DPEP1: variants seen among roughly 807,000 people sequenced by gnomAD.
DPEP1 encodes the protein beta-lactamase.
DPEP1 carries 50 observed loss-of-function variants against 42.3 expected under a neutral mutation model. The ratio of observed to expected loss-of-function variants is 1.18; its 90% CI spans 0.94 to 1.50. The LOEUF (loss-of-function observed/expected upper bound fraction) is 1.50, where lower values mean the gene tolerates loss of function less well. Ranked by LOEUF, DPEP1 falls within the 40% of genes most tolerant of loss-of-function variation. The probability of loss-of-function intolerance (pLI) is 0.00; values close to 1 mark genes in which losing one functional copy is unlikely to be tolerated. For missense variants in DPEP1, 663 were observed against 553.0 expected, an observed-to-expected ratio of 1.20 and a Z score of -1.99; for synonymous variants, 297 against 234.0, an observed-to-expected ratio of 1.27 and a Z score of -2.46.
chr16:89,637,375 C>A lies in DPEP1; in HGVS notation c.763C>A (p.Leu255Met). 1.2e-6 allele frequency: 2 copies of A among 1,612,342 alleles called. No homozygotes were observed. Among genetic ancestry groups the A allele is most frequent in the Non-Finnish European group, 1.7e-6 (2 of 1,179,908 alleles). ...RRNVPDDVLR[L>M]VKQTDSLVMV... Reference sequence around the variant, plus strand: ...CAACGTGCCTGACGACGTCCTGAGGCTGGTGGTGAGGGCCGAGGGGGCGAC... The same window carrying A: ...CAACGTGCCTGACGACGTCCTGAGGATGGTGGTGAGGGCCGAGGGGGCGAC... The change falls in exon 7 of 11, where the codon CTG becomes ATG. Residue 255 changes from leucine (L) to methionine (M), a missense_variant. By Grantham distance (15) the Leu-to-Met change is conservative (BLOSUM62 2). Coordinates refer to ENST00000690203, the MANE Select transcript of DPEP1 (RefSeq NM_001389466.1).
intron 2 of DPEP1, among the ~76,000 whole-genome samples, chr16:89,634,309 G>C (rs560230157): frequency 3.4e-4 from 52 of 151,986 alleles, no homozygotes; most frequent in Admixed American, 9.8e-4. Flanking sequence ...GGATGATCTC[G>C]ATCTCCTGAC....
At chr16:89,632,635 C>T (rs2059604343) in intron 2 of DPEP1, among the ~76,000 whole-genome samples, 1 of 152,150 alleles carries the variant, frequency 6.6e-6, no homozygotes, top group South Asian at 2.1e-4. Context: ...GGCATTGCCC[C>T]AGCTGCACAG....
intron 1 of DPEP1, among the ~76,000 whole-genome samples, chr16:89,617,997 C>G (rs1211059067): frequency 6.6e-6 from 1 of 152,040 alleles, no homozygotes; most frequent in Non-Finnish European, 1.5e-5. Context: ...GCACTCCATC[C>G]TGGGCGACAG....
chr16:89,637,651 G>C lies in DPEP1; in HGVS notation c.873G>C (p.Lys291Asn), dbSNP rs1420747133. Residue 291 changes from lysine (K) to asparagine (N), a missense_variant, in exon 9 of 11, where the codon AAG becomes AAC. By Grantham distance (94) the Lys-to-Asn change is moderately conservative. Transcript: ENST00000690203. ...GGACAGACCATCTGGATCACATCAA[G>C]GAGGTGGCAGGAGCCAGAGCCGTGG... The part of the protein sequence containing the change: ...SQVADHLDHI[K>N]EVAGARAVGF... 1.9e-6 allele frequency: 3 copies of C among 1,613,036 alleles called. No homozygotes were observed. The Admixed American group carries it at 5.0e-5, about 27-fold the overall frequency.
rs993973255 is a variant in DPEP1 at position 89,636,612 on chromosome 16, G to A, written c.450G>A (p.Leu150=). 6.2e-7 allele frequency: 1 copy of A among 1,612,496 alleles called. No homozygotes were observed. The highest frequency in any genetic ancestry group is 1.3e-5 in the African/African-American group (1 of 74,936). The part of the protein sequence containing the change: ...VEGGHSIDSS[L]GVLRALYQLG... ...GCGGCCACTCCATTGACAGCAGTTT[G>A]GGCGTCCTGCGGGCACTCTATCAGC... Residue 150 remains leucine, a synonymous_variant, in exon 5 of 11, where the codon TTG becomes TTA. Transcript: ENST00000690203.
intron 2 of DPEP1, among the ~76,000 whole-genome samples, chr16:89,631,399 A>T (rs371395780): frequency 6.6e-6 from 1 of 152,202 alleles, no homozygotes; most frequent in East Asian, 1.9e-4. Context: ...TCCAGGCACC[A>T]GACTCAGATC....
rs1597774882 is a variant in DPEP1, at chr16:89,637,250, C to T, written c.638C>T (p.Ala213Val). Residue 213 changes from alanine to valine, a missense_variant, in exon 7 of 11, where the codon GCT becomes GTT. By Grantham distance (64) the Ala-to-Val change is moderately conservative (BLOSUM62 0). Coordinates refer to ENST00000690203, the MANE Select transcript of DPEP1 (RefSeq NM_001389466.1). The stretch of plus-strand genomic sequence containing the variant: ...CGTCTGGGGGTCCTCATCGACTTGG[C>T]TCACGTGTCTGTGGCCACCATGAAG... ...LNRLGVLIDL[A>V]HVSVATMKAT... The T allele has an allele frequency of 2.5e-6, 4 of 1,612,746 alleles. No homozygotes were observed. Among genetic ancestry groups the T allele is most frequent in the Non-Finnish European group, 3.4e-6 (4 of 1,179,958 alleles).
chr16:89,631,327 CT>C (rs2151492751), intron 2 of DPEP1, among the ~76,000 whole-genome samples: 1 of 152,302 alleles, frequency 6.6e-6, no homozygotes, highest in Admixed American at 6.5e-5. Flanking sequence ...GAATCCGACC[CT>C]CTTCCCCGCC....
intron 1 of DPEP1, among the ~76,000 whole-genome samples, chr16:89,617,345 C>G (rs2059388440): frequency 6.6e-6 from 1 of 152,156 alleles, no homozygotes; most frequent in South Asian, 2.1e-4. Context: ...GGGAAAAGCG[C>G]TCCTGCCTCA....
chr16:89,621,030 G>A lies in DPEP1; in HGVS notation c.-107+7311G>A, dbSNP rs77625363. Among the ~76,000 whole-genome samples, 1,238 of 152,118 alleles carry A rather than the reference G, an allele frequency of 8.1e-3. 18 individuals are homozygous for A. Among genetic ancestry groups the A allele is most frequent in the African/African-American group, 0.028 (1,174 of 41,472 alleles). ...GGGGGCCTCAGCTCGTGCCATCACGGGCAGTGAAGGGTGAGGCTCTCAGAG... is the reference window on the plus strand; with the variant it reads ...GGGGGCCTCAGCTCGTGCCATCACGAGCAGTGAAGGGTGAGGCTCTCAGAG... On this transcript the variant is annotated intron_variant, in intron 1 of 10. Transcript: ENST00000690203.
In DPEP1 at chr16:89,636,251, C is replaced by T. The variant is rs1346006525; in HGVS notation, c.238-13C>T. ...TGGCTGCATCAGCTCCTGGCACCCC[C>T]TGCGGCCCACAGTTCTGGTCCGTGT... On this transcript the variant is annotated splice_polypyrimidine_tract_variant and intron_variant, in intron 3 of 10. Transcript: ENST00000690203. 1.2e-6 allele frequency: 2 copies of T among 1,602,010 alleles called. No individual in the cohort carries two copies. Among genetic ancestry groups the T allele is most frequent in the South Asian group, 2.2e-5 (2 of 89,682 alleles).
rs967870639 is a variant in DPEP1 at position 89,637,960 on chromosome 16, G to C, written c.1054G>C (p.Ala352Pro). 1 of 1,608,486 alleles carries C rather than the reference G, an allele frequency of 6.2e-7. No individual in the cohort carries two copies. The highest frequency in any genetic ancestry group is 8.5e-7 in the Non-Finnish European group (1 of 1,178,112). The stretch of plus-strand genomic sequence containing the variant: ...TGACAACCTGCTGAGGGTCTTCGAG[G>C]CTGTGGAACAGGTGAGGATGGGGTG... ...LADNLLRVFEAVEQASNLTQA... is the reference protein window; with the variant it reads ...LADNLLRVFEPVEQASNLTQA... The change falls in exon 10 of 11, where the codon GCT (alanine) becomes CCT (proline). Residue 352 changes from alanine (A) to proline (P), a missense_variant. Physicochemically the swap from Ala to Pro is conservative, Grantham distance 27 (BLOSUM62 -1). Coordinates refer to ENST00000690203, the MANE Select transcript of DPEP1 (RefSeq NM_001389466.1).
chr16:89,637,738 G>T, intron 9 of DPEP1, 31 bp downstream of exon 9: 1 of 1,612,940 alleles, frequency 6.2e-7, no homozygotes, highest in Non-Finnish European at 8.5e-7. Flanking sequence ...TCCTGTGGAT[G>T]AGCCGGGAGG....
Position 89,630,325 on chromosome 16 carries a change from C to G in DPEP1, c.-86C>G. On this transcript the variant is annotated 5_prime_UTR_variant, in exon 2 of 11. Coordinates refer to ENST00000690203, the MANE Select transcript of DPEP1 (RefSeq NM_001389466.1). ...GGCAGGCAGAGTGGCTCCTCACAGC[C>G]TGAAGCTCATCCTTCTGCACGGGCC... 1 of 1,134,524 alleles carries G rather than the reference C, an allele frequency of 8.8e-7. No homozygotes were observed. The highest frequency in any genetic ancestry group is 1.3e-6 in the Non-Finnish European group (1 of 775,254). The allele number at this position is 1,134,524 out of a possible 1,614,324, so 70.3% of individuals were successfully genotyped here.
chr16:89,641,052 C>T (rs984253882), downstream of DPEP1, among the ~76,000 whole-genome samples: 5 of 152,186 alleles, frequency 3.3e-5, no homozygotes, highest in Non-Finnish European at 7.3e-5. Context: ...GGACAGCTTA[C>T]GCCATTATTT....
chr16:89,618,800 TTA>T (rs1291357096), intron 1 of DPEP1, among the ~76,000 whole-genome samples: 1 of 131,502 alleles, frequency 7.6e-6, no homozygotes, highest in Non-Finnish European at 1.7e-5. Flanking sequence ...AGATTAATAT[TTA>T]TTTTATTTTC....
chr16:89,627,407 A>C (rs1463150666), intron 1 of DPEP1, among the ~76,000 whole-genome samples: 2 of 151,660 alleles, frequency 1.3e-5, no homozygotes, highest in Non-Finnish European at 2.9e-5. Flanking sequence ...ACATGATGAA[A>C]CCCTGTCTCT....
rs755123488 is a variant in DPEP1, at chr16:89,635,802, C to G, written c.105-106C>G. On this transcript the variant is annotated intron_variant, in intron 2 of 10. Coordinates refer to ENST00000690203, the MANE Select transcript of DPEP1 (RefSeq NM_001389466.1). ...GCCTAGACTTCAGTCCTGCGTCTGT[C>G]GTGAGGAGTAGGAAGTGGGGAGAGC... 156 of 1,416,826 alleles carry G rather than the reference C, an allele frequency of 1.1e-4. No individual in the cohort carries two copies. The Middle Eastern group carries it at 1.3e-3, about 12-fold the overall frequency. 87.8% of individuals were successfully genotyped at this position (1,416,826 alleles called of 1,614,324 possible).
chr16:89,629,758 G>A lies in DPEP1; in HGVS notation c.-106-547G>A, dbSNP rs954979045. On this transcript the variant is annotated intron_variant, in intron 1 of 10. Transcript: ENST00000690203. Reference sequence around the variant, plus strand: ...GTCTAGCTGCTTGGCCTGAAGCTCTGTAGCTGGAGTGTGGGTCCCTGTGAC... The same window carrying A: ...GTCTAGCTGCTTGGCCTGAAGCTCTATAGCTGGAGTGTGGGTCCCTGTGAC... Among the ~76,000 whole-genome samples the A allele has an allele frequency of 7.9e-5, 12 of 152,320 alleles. No homozygotes were observed. In the East Asian group the frequency reaches 2.3e-3, roughly 29 times the overall value.
Sources: allele counts gnomAD v4.1 joint callset (sites outside exome capture counted in the v4.1 genomes callset), GRCh38; gene constraint gnomAD v4.1.1; transcripts MANE v1.5; gene names NCBI Gene and HGNC (gene_info 2026-07-23, HGNC 2026-07-21).